Variants in FSIP2 observed in about 807,000 individuals in gnomAD.
FSIP2 encodes fibrous sheath-interacting protein 2.
Under a neutral mutation model 510.5 loss-of-function variants are expected in FSIP2, and 367 were observed. The ratio of observed to expected loss-of-function variants is 0.72; its 90% CI spans 0.66 to 0.78. FSIP2 has a LOEUF of 0.78. Among genes scored for constraint, FSIP2 ranks in the 30% least tolerant of loss-of-function variants. The pLI is 0.00. For synonymous variants in FSIP2, 2,601 were observed against 2,732.2 expected, an observed-to-expected ratio of 0.95 and a Z score of 1.50; for missense variants, 7,594 against 7,901.7, an observed-to-expected ratio of 0.96 and a Z score of 1.48.
intron 12 of FSIP2, among the ~76,000 whole-genome samples, chr2:185,764,070 T>G (rs1226354798): frequency 1.0e-4 from 14 of 139,528 alleles, no homozygotes; most frequent in African/African-American, 2.9e-4. Context: ...CAAAATATTA[T>G]AAAGGCTATG....
Position 185,803,993 on chromosome 2 carries a change from C to A in FSIP2, c.14687C>A (p.Ala4896Glu), listed in dbSNP as rs759111961. 2.0e-6 allele frequency: 3 copies of A among 1,493,238 alleles called. No individual in the cohort carries two copies. In the South Asian group the frequency reaches 3.8e-5, roughly 19 times the overall value. The allele number at this position is 1,493,238 out of a possible 1,614,324, so 92.5% of individuals were successfully genotyped here. Residue 4896 changes from alanine (A) to glutamate (E), a missense_variant, in exon 17 of 23, where the codon GCG becomes GAG. Physicochemically the swap from Ala to Glu is moderately radical, Grantham distance 107. Coordinates refer to ENST00000424728, the MANE Select transcript of FSIP2 (RefSeq NM_173651.4). ...AGTGACATACCTGTTTCAAAAATAG[C>A]GAGTTTTATAATAAAAGAAATCTTT... ...SISDIPVSKI[A>E]SFIIKEIFNH...
intron 19 of FSIP2, among the ~76,000 whole-genome samples, chr2:185,824,085 G>A (rs1283724958): frequency 6.6e-6 from 1 of 151,746 alleles, no homozygotes; most frequent in Non-Finnish European, 1.5e-5. Context: ...GGGAGAGAGG[G>A]AAATTAGGCT....
chr2:185,816,146 T>G (rs1693822255), intron 19 of FSIP2, among the ~76,000 whole-genome samples: 1 of 151,870 alleles, frequency 6.6e-6, no homozygotes, highest in South Asian at 2.1e-4. Context: ...TTGGAAGAGA[T>G]AACATTTTTT....
Position 185,808,574 on chromosome 2 carries a change from A to G in FSIP2, c.19268A>G (p.Asp6423Gly). Residue 6423 changes from aspartate to glycine, a missense_variant, in exon 17 of 23, where the codon GAT (aspartate) becomes GGT (glycine). Transcript: ENST00000424728. ...ENTERIYQVV[D>G]SVYSNILQQS... ...ACAGAAAGGATTTATCAGGTTGTCG[A>G]TTCCGTTTATAGTAACATACTGCAA... The G allele has an allele frequency of 6.2e-7, 1 of 1,612,300 alleles. No individual in the cohort carries two copies. The highest frequency in any genetic ancestry group is 1.1e-5 in the South Asian group (1 of 90,890).
Position 185,793,266 on chromosome 2 carries a change from G to A in FSIP2, c.6130G>A (p.Ala2044Thr), listed in dbSNP as rs957878933. 1.4e-5 allele frequency: 22 copies of A among 1,533,970 alleles called. No individual in the cohort carries two copies. Among genetic ancestry groups the A allele is most frequent in the Admixed American group, 2.0e-5 (1 of 50,840 alleles). ...AAGTATTGCAAGTCAAATTGTTAAC[G>A]CATTGTTAGACATTATATCACGTAA... ...SESIASQIVN[A>T]LLDIISRKGK... Residue 2044 changes from alanine to threonine, a missense_variant, in exon 16 of 23, where the codon GCA (alanine) becomes ACA (threonine). By Grantham distance (58) the Ala-to-Thr change is moderately conservative (BLOSUM62 0). Transcript: ENST00000424728.
At chr2:185,745,626 A>C in intron 5 of FSIP2, 58 bp downstream of exon 5, 1 of 1,371,350 alleles carries the variant, frequency 7.3e-7, no homozygotes, top group Non-Finnish European at 9.8e-7. Flanking sequence ...ATAAGCTGGA[A>C]AATACTAGAA....
intron 7 of FSIP2, among the ~76,000 whole-genome samples, chr2:185,749,277 T>C (rs896613160): frequency 6.6e-6 from 1 of 152,016 alleles, no homozygotes; most frequent in Non-Finnish European, 1.5e-5. Context: ...TTTCAACTCA[T>C]GAACCACATA....
At position 185,808,123 on chromosome 2, in the gene FSIP2, G is replaced by C. The variant is rs907194970; in HGVS notation, c.18817G>C (p.Asp6273His). The C allele has an allele frequency of 1.9e-6, 3 of 1,605,734 alleles. No individual in the cohort carries two copies. Among genetic ancestry groups the C allele is most frequent in the African/African-American group, 1.3e-5 (1 of 74,324 alleles). The change falls in exon 17 of 23, where the codon GAT becomes CAT. Residue 6273 changes from aspartate (D) to histidine (H), a missense_variant. By Grantham distance (81) the Asp-to-His change is moderately conservative. Coordinates refer to ENST00000424728, the MANE Select transcript of FSIP2 (RefSeq NM_173651.4). ...TGGCTCTTATACTTCTGTATTTAAAGATTTAATGGGTAAAAGCAATGTCCT... is the reference window on the plus strand; with the variant it reads ...TGGCTCTTATACTTCTGTATTTAAACATTTAATGGGTAAAAGCAATGTCCT... ...HSGSYTSVFK[D>H]LMGKSNVLSD...
chr2:185,809,646 C>A (rs911761661), intron 17 of FSIP2, among the ~76,000 whole-genome samples: 2 of 152,054 alleles, frequency 1.3e-5, no homozygotes, highest in African/African-American at 4.8e-5. Flanking sequence ...GGACTGCCAA[C>A]TCTTAGATTA....
Position 185,791,224 on chromosome 2 carries a change from A to G in FSIP2, c.4088A>G (p.Asp1363Gly). Reference protein sequence around the residue: ...LASPLLTCIYDMLLSSENAHQ... With the variant: ...LASPLLTCIYGMLLSSENAHQ... Reference sequence around the variant, plus strand: ...AGTCCATTATTAACCTGTATTTATGATATGTTGTTATCAAGTGAAAATGCA... The same window carrying G: ...AGTCCATTATTAACCTGTATTTATGGTATGTTGTTATCAAGTGAAAATGCA... Residue 1363 changes from aspartate to glycine, a missense_variant, in exon 16 of 23, where the codon GAT (aspartate) becomes GGT (glycine). Coordinates refer to ENST00000424728, the MANE Select transcript of FSIP2 (RefSeq NM_173651.4). The G allele has an allele frequency of 6.5e-7, 1 of 1,533,806 alleles. No individual in the cohort carries two copies. Among genetic ancestry groups the G allele is most frequent in the Non-Finnish European group, 8.7e-7 (1 of 1,145,298 alleles).
In FSIP2 at chr2:185,808,080, C is replaced by T; in HGVS notation, c.18774C>T (p.Thr6258=). The T allele has an allele frequency of 6.2e-7, 1 of 1,607,828 alleles. No homozygotes were observed. The highest frequency in any genetic ancestry group is 8.5e-7 in the Non-Finnish European group (1 of 1,177,852). ...AAAACATAGTTAATTCTATTTATAC[C>T]AGTGTTTTAAAGCACTCTGGCTCTT... is the stretch of plus-strand genomic sequence containing the variant. ...TIENIVNSIY[T]SVLKHSGSYT... Residue 6258 remains threonine (T), a synonymous_variant, in exon 17 of 23, where the codon ACC becomes ACT. Transcript: ENST00000424728.
Position 185,797,152 on chromosome 2 carries a change from C to T in FSIP2, c.10016C>T (p.Ser3339Phe). 1.3e-6 allele frequency: 2 copies of T among 1,534,846 alleles called. No individual in the cohort carries two copies. The highest frequency in any genetic ancestry group is 8.7e-7 in the Non-Finnish European group (1 of 1,146,150). The change falls in exon 16 of 23, where the codon TCC becomes TTC. Residue 3339 changes from serine (S) to phenylalanine (F), a missense_variant. Coordinates refer to ENST00000424728, the MANE Select transcript of FSIP2 (RefSeq NM_173651.4). ...GAAAATATTGTCAATACTGTGCTAT[C>T]CAGCTGTGGCTTTCCAAGTCAACCA... ...AAENIVNTVL[S>F]SCGFPSQPHT... is the part of the protein sequence containing the mutation.
chr2:185,746,157 T>C (rs534462618), intron 5 of FSIP2, among the ~76,000 whole-genome samples: 2 of 152,120 alleles, frequency 1.3e-5, no homozygotes, highest in South Asian at 4.1e-4. Flanking sequence ...CATGGTTTCA[T>C]TATATGGTAT....
At chr2:185,823,310 C>T (rs2105682085) in intron 19 of FSIP2, among the ~76,000 whole-genome samples, 1 of 151,826 alleles carries the variant, frequency 6.6e-6, no homozygotes, top group Non-Finnish European at 1.5e-5. Context: ...GCAAATTATA[C>T]ATCTAGTAAA....
intron 13 of FSIP2, 140 bp downstream of exon 13, chr2:185,764,705 G>A: frequency 1.7e-6 from 1 of 604,934 alleles, no homozygotes; most frequent in Admixed American, 2.7e-5. Context: ...TTTTGCTCAG[G>A]GTTCTTACAG....
chr2:185,773,843 T>C (rs1692662862), intron 13 of FSIP2, among the ~76,000 whole-genome samples: 1 of 152,222 alleles, frequency 6.6e-6, no homozygotes, highest in Admixed American at 6.5e-5. Flanking sequence ...TCGGACAGTT[T>C]TACTGCTATG....
In FSIP2 at chr2:185,790,629, A is replaced by T. The variant is rs1693099320; in HGVS notation, c.3493A>T (p.Thr1165Ser). Residue 1165 changes from threonine to serine, a missense_variant, in exon 16 of 23, where the codon ACA becomes TCA. Physicochemically the swap from Thr to Ser is moderately conservative, Grantham distance 58. Transcript: ENST00000424728. ...GATGTTTTCTGTTTCAGAAATCAGT[A>T]CAGTGGCTCAAGAAATAACAGATTC... ...DQMFSVSEIS[T>S]VAQEITDSVL... 6.5e-7 allele frequency: 1 copy of T among 1,534,096 alleles called. No homozygotes were observed. The highest frequency in any genetic ancestry group is 8.7e-7 in the Non-Finnish European group (1 of 1,145,428).
In FSIP2 at chr2:185,805,306, G is replaced by T; in HGVS notation, c.16000G>T (p.Ala5334Ser). The change falls in exon 17 of 23, where the codon GCT becomes TCT. Residue 5334 changes from alanine (A) to serine (S), a missense_variant. Transcript: ENST00000424728. ...AAGTGATATTAAAGTTTTACCAAAT[G>T]CTGAAAAAATGTTTTCTTTTCCACC... is the stretch of plus-strand genomic sequence containing the variant. The part of the protein sequence containing the change: ...KKSDIKVLPN[A>S]EKMFSFPPID... 6.3e-7 allele frequency: 1 copy of T among 1,595,340 alleles called. No homozygotes were observed. Among genetic ancestry groups the T allele is most frequent in the Admixed American group, 1.8e-5 (1 of 55,494 alleles).
intron 9 of FSIP2, among the ~76,000 whole-genome samples, chr2:185,759,516 T>C (rs1480401291): frequency 6.9e-6 from 1 of 145,364 alleles, no homozygotes; most frequent in African/African-American, 2.5e-5. Context: ...CAGTATATAA[T>C]ATATAAGATA....
Sources: gnomAD v4.1 joint callset for allele counts (sites outside exome capture counted in the v4.1 genomes callset) on GRCh38, gnomAD v4.1.1 for gene constraint, MANE v1.5 for transcripts, NCBI Gene and HGNC (gene_info 2026-07-23, HGNC 2026-07-21) for gene names.